Variants in NPAS3 observed in about 807,000 individuals in gnomAD.
NPAS3 encodes the protein neuronal PAS domain protein 3, also known as neuronal PAS domain-containing protein 3.
In NPAS3, 14 loss-of-function variants were observed where a neutral mutation model predicts 73.1. That is an observed-to-expected ratio of 0.19 (90% CI 0.13 to 0.30). The LOEUF is 0.30. Ranked by LOEUF, NPAS3 falls within the 10% of genes least tolerant of loss-of-function variation. The probability of loss-of-function intolerance (pLI) is 1.00; values close to 1 mark genes in which losing one functional copy is unlikely to be tolerated. For synonymous variants in NPAS3, 620 were observed against 541.5 expected (o/e 1.14, Z -2.01); for missense variants, 1,096 against 1,250.0 (o/e 0.88, Z 1.86).
intron 1 of NPAS3, among the ~76,000 whole-genome samples, chr14:33,000,650 T>A (rs1366675150): frequency 6.6e-6 from 1 of 152,184 alleles, no homozygotes; most frequent in Non-Finnish European, 1.5e-5. Context: ...GTTTATAATC[T>A]AATGGAACAA....
chr14:32,939,235 G>A, upstream of NPAS3: 1 of 406,566 alleles, frequency 2.5e-6, no homozygotes, highest in Non-Finnish European at 4.8e-6. Context: ...CCACGCACAC[G>A]CACACCCCCG....
At chr14:33,078,305 T>C (rs917624791) in intron 2 of NPAS3, among the ~76,000 whole-genome samples, 5 of 152,192 alleles carry the variant, frequency 3.3e-5, no homozygotes, top group Non-Finnish European at 5.9e-5. Context: ...TCCTTCGTAA[T>C]ACCCAAGTAT....
Position 33,799,944 on chromosome 14 carries a change from G to A in NPAS3, c.1637G>A (p.Gly546Asp). The A allele has an allele frequency of 5.0e-6, 8 of 1,614,074 alleles. No homozygotes were observed. In the South Asian group the frequency reaches 6.6e-5, roughly 13 times the overall value. Residue 546 changes from glycine to aspartate, a missense_variant, in exon 12 of 12, where the codon GGC (glycine) becomes GAC (aspartate). Gly to Asp is a moderately conservative substitution (Grantham distance 94). Coordinates refer to ENST00000356141, the Ensembl canonical transcript of NPAS3. Reference sequence around the variant, plus strand: ...GAGAACCCCAAGGCGGGCGAGGACGGCTTCGGTGCTCTGGGCGCGATGCAG... The same window carrying A: ...GAGAACCCCAAGGCGGGCGAGGACGACTTCGGTGCTCTGGGCGCGATGCAG...
chr14:33,454,092 G>A (rs1469108912), intron 4 of NPAS3, among the ~76,000 whole-genome samples: 1 of 152,086 alleles, frequency 6.6e-6, no homozygotes, highest in African/African-American at 2.4e-5. Context: ...GCTTCCTTTA[G>A]CCTAGATTTC....
chr14:33,799,726 C>T lies in NPAS3; in HGVS notation c.1427-8C>T, dbSNP rs752185074. 28 of 1,558,748 alleles carry T rather than the reference C, an allele frequency of 1.8e-5. No individual in the cohort carries two copies. The East Asian group carries it at 6.8e-4, about 38-fold the overall frequency. On this transcript the variant is annotated splice_region_variant and splice_polypyrimidine_tract_variant and intron_variant, in intron 11 of 11. Transcript: ENST00000356141. Reference sequence around the variant, plus strand: ...CCCCCGCCACCGCCGGCCCCCCGCCCCACACAGAGGACAACGAGAACTCCA... The same window carrying T: ...CCCCCGCCACCGCCGGCCCCCCGCCTCACACAGAGGACAACGAGAACTCCA...
At chr14:33,670,479 G>A (rs1040861067) in intron 5 of NPAS3, among the ~76,000 whole-genome samples, 4 of 152,172 alleles carry the variant, frequency 2.6e-5, no homozygotes, top group African/African-American at 4.8e-5. Context: ...ATATTCAGTG[G>A]AGTTCTGCAA....
intron 4 of NPAS3, among the ~76,000 whole-genome samples, chr14:33,530,533 A>G (rs1179250279): frequency 6.6e-6 from 1 of 152,064 alleles, no homozygotes; most frequent in Non-Finnish European, 1.5e-5. Context: ...TGTATTTCAA[A>G]TTTGCAAGTT....
chr14:33,590,393 C>T (rs1428961782), intron 5 of NPAS3, among the ~76,000 whole-genome samples: 1 of 152,084 alleles, frequency 6.6e-6, no homozygotes, highest in African/African-American at 2.4e-5. Context: ...GTGTCCACAT[C>T]TGGACACTGA....
chr14:33,021,220 TCAG>T (rs995598016), intron 1 of NPAS3, among the ~76,000 whole-genome samples: 1 of 152,194 alleles, frequency 6.6e-6, no homozygotes, highest in African/African-American at 2.4e-5. Flanking sequence ...ATAATCATCA[TCAG>T]CAGCAGCAGC....
intron 5 of NPAS3, among the ~76,000 whole-genome samples, chr14:33,606,751 C>T (rs1177558590): frequency 6.6e-6 from 1 of 152,124 alleles, no homozygotes; most frequent in Non-Finnish European, 1.5e-5. Flanking sequence ...AATTGGACCA[C>T]ATTGAAGTTT....
intron 6 of NPAS3, among the ~76,000 whole-genome samples, chr14:33,724,793 C>T (rs1180868245): frequency 6.6e-6 from 1 of 151,322 alleles, no homozygotes; most frequent in Non-Finnish European, 1.5e-5. Context: ...AATATGAACA[C>T]CATTAAATAT....
At chr14:33,107,252 C>T (rs2042750222) in intron 2 of NPAS3, among the ~76,000 whole-genome samples, 1 of 152,008 alleles carries the variant, frequency 6.6e-6, no homozygotes. Flanking sequence ...CTTTTTTCCC[C>T]TAATTTTTAT....
At chr14:33,148,026 C>T (rs925653441) in intron 2 of NPAS3, among the ~76,000 whole-genome samples, 5 of 151,890 alleles carry the variant, frequency 3.3e-5, no homozygotes, top group Admixed American at 6.6e-5. Flanking sequence ...CTTCAAGAAA[C>T]CAATAGAATG....
At chr14:33,215,188 A>G (rs1361965987) in exon 3 of NPAS3, 2 of 1,613,650 alleles carry the variant, frequency 1.2e-6, no homozygotes, top group African/African-American at 2.7e-5. Context: ...TCAGTTTACA[A>G]GCATTGAGAA....
chr14:33,226,446 T>G (rs1349732389), intron 3 of NPAS3, among the ~76,000 whole-genome samples: 3 of 152,182 alleles, frequency 2.0e-5, no homozygotes, highest in African/African-American at 7.2e-5. Context: ...ATCTGTGTAT[T>G]TAGTGGTATT....
At chr14:33,453,247 A>T (rs1431594162) in intron 4 of NPAS3, among the ~76,000 whole-genome samples, 2 of 152,206 alleles carry the variant, frequency 1.3e-5, no homozygotes, top group Non-Finnish European at 2.9e-5. Flanking sequence ...TGGCAAAATG[A>T]CATTCCCTGG....
chr14:33,006,627 T>C (rs1317579689), intron 1 of NPAS3, among the ~76,000 whole-genome samples: 1 of 152,194 alleles, frequency 6.6e-6, no homozygotes, highest in Non-Finnish European at 1.5e-5. Context: ...TCAGTGATTA[T>C]TATTACCATT....
chr14:33,167,305 A>G (rs911657084), intron 2 of NPAS3, among the ~76,000 whole-genome samples: 1 of 152,170 alleles, frequency 6.6e-6, no homozygotes, highest in African/African-American at 2.4e-5. Context: ...GAGGACATTC[A>G]AATCTCCTAG....
rs769799382 is a variant in NPAS3 at position 33,215,457 on chromosome 14, A to G, written c.385+31A>G. The G allele has an allele frequency of 3.1e-6, 5 of 1,612,494 alleles. No individual in the cohort carries two copies. The Admixed American group carries it at 5.0e-5, about 16-fold the overall frequency. On this transcript the variant is annotated intron_variant, in intron 3 of 11. Coordinates refer to ENST00000356141, the Ensembl canonical transcript of NPAS3. The stretch of plus-strand genomic sequence containing the variant: ...TTTTAGGTCACTGTTCAGTCTGAAT[A>G]TGATGGTCTGTAGGGGTCTGTAAGA...
Sources: gnomAD v4.1 joint callset for allele counts (sites outside exome capture counted in the v4.1 genomes callset) on GRCh38, gnomAD v4.1.1 for gene constraint, MANE v1.5 for transcripts, NCBI Gene and HGNC (gene_info 2026-07-23, HGNC 2026-07-21) for gene names.